JAK3: variants seen among roughly 807,000 people sequenced by gnomAD.
JAK3 encodes Janus kinase 3.
Under a neutral mutation model 120.8 loss-of-function variants are expected in JAK3, and 88 were observed. The ratio of observed to expected loss-of-function variants is 0.73; its 90% CI spans 0.61 to 0.87. JAK3 has a LOEUF of 0.87. Ranked by LOEUF, JAK3 falls within the 40% of genes least tolerant of loss-of-function variation. The pLI, the probability that JAK3 is intolerant of heterozygous loss-of-function variation, is 0.00. For synonymous variants in JAK3, 592 were observed against 628.6 expected (o/e 0.94, Z 0.87); for missense variants, 1,254 against 1,501.4 (o/e 0.84, Z 2.72).
At chr19:17,828,851 A>C (rs150496725) in intron 23 of JAK3, among the ~76,000 whole-genome samples, 1 of 152,174 alleles carries the variant, frequency 6.6e-6, no homozygotes, top group East Asian at 1.9e-4. Flanking sequence ...GGTTATGATT[A>C]TATGATTATA....
intron 12 of JAK3, 146 bp downstream of exon 12, chr19:17,837,786 T>C: frequency 8.2e-7 from 1 of 1,225,406 alleles, no homozygotes; most frequent in Non-Finnish European, 1.2e-6. Context: ...CTTCAAACCA[T>C]CCTCCTGCCT....
rs200836500 is a variant in JAK3 at position 17,839,633 on chromosome 19, G to A, written c.1285C>T (p.Leu429Phe). The A allele has an allele frequency of 6.2e-7, 1 of 1,611,660 alleles. No individual in the cohort carries two copies. The highest frequency in any genetic ancestry group is 1.3e-5 in the African/African-American group (1 of 74,908). Residue 429 changes from leucine (L) to phenylalanine (F), a missense_variant, in exon 10 of 24, where the codon CTC becomes TTC. Physicochemically the swap from Leu to Phe is conservative, Grantham distance 22 (BLOSUM62 0). Transcript: ENST00000458235. ...GTTCCTGTGGGGCTGCGCCGGATGA[G>A]GCAGCCCTTATAATCAGGACCAAGG... ...NPLGPDYKGC[L>F]IRRSPTGTFL...
chr19:17,839,060 G>A lies in JAK3; in HGVS notation c.1441+417C>T, dbSNP rs1448965656. On this transcript the variant is annotated intron_variant, in intron 10 of 23. Coordinates refer to ENST00000458235, the MANE Select transcript of JAK3 (RefSeq NM_000215.4). Reference sequence around the variant, plus strand: ...AGGAGATCCAGAAAGCCCCCATAGGGATTTGGGATGAGCGACAAGGAAGGA... The same window carrying A: ...AGGAGATCCAGAAAGCCCCCATAGGAATTTGGGATGAGCGACAAGGAAGGA... The A allele has an allele frequency of 3.1e-5, 11 of 355,128 alleles. No individual in the cohort carries two copies. In the East Asian group the frequency reaches 5.3e-4, roughly 17 times the overall value. 22.0% of individuals were successfully genotyped at this position (355,128 alleles called of 1,614,324 possible).
At chr19:17,827,761 T>TAAAAAAAAAAAAAAAAAAAAAAA (rs1599863883) in intron 23 of JAK3, among the ~76,000 whole-genome samples, 1 of 80,744 alleles carries the variant, frequency 1.2e-5, no homozygotes, top group Non-Finnish European at 2.5e-5. Flanking sequence ...AAAAAAAAAT[T>TAAAAAAAAAAAAAAAAAAAAAAA]ACAGGTGGCG....
rs942070918 is a variant in JAK3 at position 17,837,874 on chromosome 19, C to G, written c.1701+58G>C. Reference sequence around the variant, plus strand: ...TGTGTGTTTTTAAATTTCTCTGCATCCACGACCCCCTCTCCAGCCAGCCCC... The same window carrying G: ...TGTGTGTTTTTAAATTTCTCTGCATGCACGACCCCCTCTCCAGCCAGCCCC... On this transcript the variant is annotated intron_variant, in intron 12 of 23. Transcript: ENST00000458235. 2.5e-6 allele frequency: 4 copies of G among 1,611,308 alleles called. No individual in the cohort carries two copies. In the African/African-American group the frequency reaches 4.0e-5, roughly 16 times the overall value.
intron 1 of JAK3, among the ~76,000 whole-genome samples, chr19:17,847,115 C>T (rs1042648129): frequency 1.3e-5 from 2 of 152,178 alleles, no homozygotes; most frequent in African/African-American, 4.8e-5. Flanking sequence ...CCAGGCTGAT[C>T]TCGAACTCCT....
At chr19:17,830,372 C>A in intron 22 of JAK3, 131 bp downstream of exon 22, 1 of 915,088 alleles carries the variant, frequency 1.1e-6, no homozygotes, top group Non-Finnish European at 1.7e-6. Context: ...AGCGTCCTCC[C>A]CACTGGGGCC....
chr19:17,836,100 T>C, intron 13 of JAK3, 49 bp from the exon 14 acceptor site: 1 of 1,609,418 alleles, frequency 6.2e-7, no homozygotes, highest in Non-Finnish European at 8.5e-7. Context: ...ACTGCACTTG[T>C]GTTGAGGAGG....
At position 17,842,070 on chromosome 19, in the gene JAK3, C is replaced by T. The variant is rs1471825274; in HGVS notation, c.861+246G>A. Among the ~76,000 whole-genome samples the T allele has an allele frequency of 1.3e-5, 2 of 151,828 alleles. No individual in the cohort carries two copies. The highest frequency in any genetic ancestry group is 4.8e-5 in the African/African-American group (2 of 41,300). The stretch of plus-strand genomic sequence containing the variant: ...GCCTCTTAGTCTTGCCTCGTTCCAG[C>T]GCCCACCCACCCACTCCTCAACCCC... On this transcript the variant is annotated intron_variant, in intron 6 of 23. Transcript: ENST00000458235. The surrounding 1 kb of genome is among the most constrained non-coding windows in gnomAD (Gnocchi z 6.4).
chr19:17,840,159 C>A (rs2094234600), intron 9 of JAK3, 71 bp downstream of exon 9: 2 of 1,046,564 alleles, frequency 1.9e-6, no homozygotes, highest in African/African-American at 1.6e-5. Context: ...GCTGACTGAT[C>A]TTTTAAATCT....
intron 1 of JAK3, among the ~76,000 whole-genome samples, chr19:17,847,561 C>A (rs557735588): frequency 5.3e-5 from 8 of 152,276 alleles, no homozygotes; most frequent in Non-Finnish European, 8.8e-5. Flanking sequence ...TAATCCTCAA[C>A]GTTCTGCATC....
chr19:17,837,540 C>T (rs894363982), intron 12 of JAK3, among the ~76,000 whole-genome samples: 3 of 152,138 alleles, frequency 2.0e-5, no homozygotes, highest in South Asian at 2.1e-4. Flanking sequence ...CTCAGCCTCC[C>T]GAGTAGCTGG....
rs2147697267 is a variant in JAK3 at position 17,842,404 on chromosome 19, A to G, written c.773T>C (p.Leu258Pro). 6.3e-7 allele frequency: 1 copy of G among 1,585,190 alleles called. No individual in the cohort carries two copies. The highest frequency in any genetic ancestry group is 8.6e-7 in the Non-Finnish European group (1 of 1,168,818). ...AGAAETFHVG[L>P]PGALGGHDGL... ...GTCGTGGCCACCAAGGGCCCCAGGG[A>G]GGCCCACGTGGAAGGTCTCGGCGGC... Residue 258 changes from leucine to proline, a missense_variant, in exon 6 of 24, where the codon CTC becomes CCC. Transcript: ENST00000458235. The surrounding 1 kb of genome is among the most constrained non-coding windows in gnomAD (Gnocchi z 6.4).
At position 17,825,174 on chromosome 19, in the gene JAK3, C is replaced by A. The variant is rs1011325577; in HGVS notation, c.*1569G>T. 7 of 229,642 alleles carry A rather than the reference C, an allele frequency of 3.0e-5. No individual in the cohort carries two copies. 14.2% of individuals were successfully genotyped at this position (229,642 alleles called of 1,614,324 possible). On this transcript the variant is annotated 3_prime_UTR_variant, in exon 24 of 24. Transcript: ENST00000458235. ...CATTTTGCAGGGGACAGAACTGAGA[C>A]CCAGAGAGGGAAAGGAACTTGCCCA...
At chr19:17,830,357 G>A in intron 22 of JAK3, 139 bp from the exon 23 acceptor site, 3 of 913,850 alleles carry the variant, frequency 3.3e-6, no homozygotes, top group Non-Finnish European at 3.5e-6. Context: ...TCAGAAAGGT[G>A]AGGAAGCGTC....
rs747724805 is a variant in JAK3 at position 17,826,704 on chromosome 19, A to G, written c.*39T>C. ...GCTCCGGGCCTAAGGTCACACAGCC[A>G]GTCAACAGAGACCTAATCCAGAGGT... is the stretch of plus-strand genomic sequence containing the variant. On this transcript the variant is annotated 3_prime_UTR_variant, in exon 24 of 24. Coordinates refer to ENST00000458235, the MANE Select transcript of JAK3 (RefSeq NM_000215.4). 6.2e-7 allele frequency: 1 copy of G among 1,611,938 alleles called. No homozygotes were observed. The highest frequency in any genetic ancestry group is 1.1e-5 in the South Asian group (1 of 91,032).
At chr19:17,839,360 C>G in intron 10 of JAK3, 117 bp downstream of exon 10, 1 of 967,172 alleles carries the variant, frequency 1.0e-6, no homozygotes. Context: ...ACCTTTTCTT[C>G]CCTAACCCAC....
rs941195968 is a variant in JAK3 at position 17,843,502 on chromosome 19, A to G, written c.309-11T>C. ...TTGGGGAAGTAAAAGCTGTGAGGAG[A>G]GGAGAGAACCCTGGGATGAAAGTGC... On this transcript the variant is annotated splice_polypyrimidine_tract_variant and intron_variant, in intron 3 of 23. Coordinates refer to ENST00000458235, the MANE Select transcript of JAK3 (RefSeq NM_000215.4). This position sits in a 1 kb window ranked among gnomAD's most constrained non-coding sequence, Gnocchi z 5.4. 3 of 1,569,312 alleles carry G rather than the reference A, an allele frequency of 1.9e-6. No homozygotes were observed. The highest frequency in any genetic ancestry group is 2.7e-5 in the African/African-American group (2 of 73,890).
In JAK3 at chr19:17,837,838, G is replaced by T. The variant is rs545031955; in HGVS notation, c.1701+94C>A. On this transcript the variant is annotated intron_variant, in intron 12 of 23. Transcript: ENST00000458235. ...TGGGATGACAGGCATGAGCCACCAC[G>T]CCCAGGTCCCTGTGTGTTTTTAAAT... 3.8e-6 allele frequency: 6 copies of T among 1,566,330 alleles called. No individual in the cohort carries two copies. In the African/African-American group the frequency reaches 5.4e-5, roughly 14 times the overall value.
Sources: allele counts gnomAD v4.1 joint callset (sites outside exome capture counted in the v4.1 genomes callset), GRCh38; gene constraint gnomAD v4.1.1; non-coding constraint Gnocchi (gnomAD v3.1); transcripts MANE v1.5; gene names NCBI Gene and HGNC (gene_info 2026-07-23, HGNC 2026-07-21).